RIMS3: variants seen among roughly 807,000 people sequenced by gnomAD.
RIMS3 encodes the protein regulating synaptic membrane exocytosis protein 3.
A neutral mutation model predicts 29.2 loss-of-function variants in RIMS3; 15 were observed. The ratio of observed to expected loss-of-function variants is 0.51; its 90% confidence interval spans 0.34 to 0.79. RIMS3 has a LOEUF of 0.79. Ranked by LOEUF, RIMS3 falls within the 30% of genes least tolerant of loss-of-function variation. The pLI is 0.01. For missense variants in RIMS3, 342 were observed against 421.4 expected (o/e 0.81, Z 1.65); for synonymous variants, 161 against 170.1 (o/e 0.95, Z 0.41).
chr1:40,633,486 T>C (rs949154548), intron 4 of RIMS3, among the ~76,000 whole-genome samples: 4 of 152,276 alleles, frequency 2.6e-5, no homozygotes, highest in African/African-American at 9.6e-5. Flanking sequence ...CAGGGCTTGC[T>C]GGACACCTGT....
the RIMS3 span, chr1:40,690,523 A>G: frequency 2.6e-5 from 4 of 152,264 alleles, no homozygotes; most frequent in Non-Finnish European, 4.4e-5. Context: ...ACCAAAAGTT[A>G]GGAATTAGAT....
upstream of RIMS3, among the ~76,000 whole-genome samples, chr1:40,667,361 T>A (rs1208849680): frequency 6.6e-6 from 1 of 151,410 alleles, no homozygotes; most frequent in Non-Finnish European, 1.5e-5. Flanking sequence ...GGAGGTGGGA[T>A]GGAGGCCAGG....
Position 40,624,293 on chromosome 1 carries a change from G to A in RIMS3, c.*2224C>T, listed in dbSNP as rs1423626977. The A allele has an allele frequency of 2.6e-5, 4 of 152,178 alleles. No homozygotes were observed. Among genetic ancestry groups the A allele is most frequent in the Non-Finnish European group, 5.9e-5 (4 of 68,044 alleles). 9.4% of individuals were successfully genotyped at this position (152,178 alleles called of 1,614,324 possible). On this transcript the variant is annotated 3_prime_UTR_variant, in exon 8 of 8. Transcript: ENST00000372684. Reference sequence around the variant, plus strand: ...CACTAACAACCCTATCATCCCAAAGGTGTAGAGTATTTTCGCAACACCCTG... The same window carrying A: ...CACTAACAACCCTATCATCCCAAAGATGTAGAGTATTTTCGCAACACCCTG...
intron 1 of RIMS3, among the ~76,000 whole-genome samples, chr1:40,649,237 G>A (rs1202313880): frequency 2.6e-5 from 4 of 152,060 alleles, no homozygotes; most frequent in Non-Finnish European, 4.4e-5. Context: ...AGAGACATGG[G>A]GCACAGAATT....
chr1:40,659,201 A>G (rs920637863), intron 1 of RIMS3, among the ~76,000 whole-genome samples: 11 of 152,154 alleles, frequency 7.2e-5, no homozygotes, highest in African/African-American at 2.2e-4. Context: ...AAGCAAAGGG[A>G]ACAGCAAGTG....
At chr1:40,659,994 A>T (rs1363575073) in intron 1 of RIMS3, among the ~76,000 whole-genome samples, 3 of 152,224 alleles carry the variant, frequency 2.0e-5, no homozygotes, top group African/African-American at 7.2e-5. Context: ...ACCATGAAAG[A>T]AAGCGGGGCA....
At chr1:40,682,444 C>T in the RIMS3 span, among the ~76,000 whole-genome samples, 3 of 152,032 alleles carry the variant, frequency 2.0e-5, no homozygotes, top group Non-Finnish European at 2.9e-5. Context: ...CTTCACACCC[C>T]GTGACTGACC....
At chr1:40,663,458 C>A (rs1222122792) in intron 1 of RIMS3, among the ~76,000 whole-genome samples, 1 of 152,118 alleles carries the variant, frequency 6.6e-6, no homozygotes, top group Non-Finnish European at 1.5e-5. Context: ...AATCAACCAC[C>A]AGCCTGCTCC....
At position 40,641,889 on chromosome 1, in the gene RIMS3, C is replaced by A. The variant is rs1432477522; in HGVS notation, c.37G>T (p.Ala13Ser). Residue 13 changes from alanine (A) to serine (S), a missense_variant, in exon 3 of 8, where the codon GCC becomes TCC. By Grantham distance (99) the Ala-to-Ser change is moderately conservative. Transcript: ENST00000372684. Reference protein sequence around the residue: ...NGEPGPASSGASRNVVRSSSI... With the variant: ...NGEPGPASSGSSRNVVRSSSI... The stretch of plus-strand genomic sequence containing the variant: ...GAGCTCCGCACCACATTCCTGGAGG[C>A]CCCAGATGAGGCAGGACCTGGCTCC... 1 of 1,613,548 alleles carries A rather than the reference C, an allele frequency of 6.2e-7. No homozygotes were observed. The highest frequency in any genetic ancestry group is 1.3e-5 in the African/African-American group (1 of 74,910).
At chr1:40,650,901 A>T (rs1646628276) in intron 1 of RIMS3, among the ~76,000 whole-genome samples, 1 of 140,886 alleles carries the variant, frequency 7.1e-6, no homozygotes, top group Non-Finnish European at 1.5e-5. Flanking sequence ...AGAGCCACTT[A>T]GCCACTTTGT....
At chr1:40,679,598 T>C in the RIMS3 span, among the ~76,000 whole-genome samples, 1 of 151,966 alleles carries the variant, frequency 6.6e-6, no homozygotes, top group African/African-American at 2.4e-5. Context: ...CTGATTTCCT[T>C]TCCAGGATTC....
chr1:40,642,619 C>T (rs1019246394), intron 2 of RIMS3, among the ~76,000 whole-genome samples: 60 of 152,174 alleles, frequency 3.9e-4, no homozygotes, highest in African/African-American at 1.3e-3. Context: ...TAACTGAACT[C>T]ATACTGCAAA....
In RIMS3 at chr1:40,631,502, G is replaced by A. The variant is rs146642628; in HGVS notation, c.472+1567C>T. ...AGCCTGGGCAACATGGTGAAACCCC[G>A]TCTCTACTAAAATACAAAGAAAAAA... On this transcript the variant is annotated intron_variant, in intron 5 of 7. Transcript: ENST00000372684. Among the ~76,000 whole-genome samples, 64 of 151,934 alleles carry A rather than the reference G, an allele frequency of 4.2e-4. 2 individuals are homozygous for A. Among genetic ancestry groups the A allele is most frequent in the African/African-American group, 1.4e-3 (56 of 41,440 alleles).
intron 1 of RIMS3, among the ~76,000 whole-genome samples, 196 bp downstream of exon 1, chr1:40,665,198 A>C (rs1642406342): frequency 6.7e-6 from 1 of 149,522 alleles, no homozygotes; most frequent in Non-Finnish European, 1.5e-5. Context: ...CAAACACCCC[A>C]CGTCCCTCTC....
intron 1 of RIMS3, among the ~76,000 whole-genome samples, chr1:40,651,243 C>T (rs1272516466): frequency 1.3e-5 from 2 of 152,160 alleles, no homozygotes; most frequent in Admixed American, 6.5e-5. Context: ...GGTCCCTCAT[C>T]CAATATAACC....
chr1:40,686,133 G>A, the RIMS3 span, among the ~76,000 whole-genome samples: 6 of 150,658 alleles, frequency 4.0e-5, no homozygotes, highest in Non-Finnish European at 1.5e-5. Flanking sequence ...TGGGTGACAA[G>A]AGCGAAACTC....
chr1:40,639,629 G>A (rs745916608), intron 3 of RIMS3, among the ~76,000 whole-genome samples: 7 of 152,168 alleles, frequency 4.6e-5, no homozygotes, highest in Non-Finnish European at 1.0e-4. Flanking sequence ...CTACAAACAA[G>A]GCAGCAGGCT....
At chr1:40,665,825 T>C (rs549736989), upstream of RIMS3, among the ~76,000 whole-genome samples, 98 of 152,206 alleles carry the variant, frequency 6.4e-4, no homozygotes, top group Non-Finnish European at 1.3e-3. Context: ...CGGGTTGTGG[T>C]TGGGGGACCT....
At chr1:40,687,254 T>C in the RIMS3 span, among the ~76,000 whole-genome samples, 1 of 152,166 alleles carries the variant, frequency 6.6e-6, no homozygotes, top group Non-Finnish European at 1.5e-5. Flanking sequence ...CAAATTCTGC[T>C]GATGGATGCA....
Sources: allele counts gnomAD v4.1 joint callset (sites outside exome capture counted in the v4.1 genomes callset), GRCh38; gene constraint gnomAD v4.1.1; transcripts MANE v1.5; gene names NCBI Gene and HGNC (gene_info 2026-07-23, HGNC 2026-07-21).